Variants in PER2 observed in about 807,000 individuals in gnomAD.
The protein encoded by PER2 is period circadian protein homolog 2.
PER2 carries 66 observed loss-of-function variants against 121.0 expected under a neutral mutation model. The observed-to-expected ratio is 0.55, with a 90% confidence interval of 0.45 to 0.67. The LOEUF (loss-of-function observed/expected upper bound fraction) is 0.67. Ranked by LOEUF, PER2 falls within the 30% of genes least tolerant of loss-of-function variation. The pLI, the probability that PER2 is intolerant of heterozygous loss-of-function variation, is 0.00. For synonymous variants in PER2, 684 were observed against 659.9 expected (o/e 1.04, Z -0.56); for missense variants, 1,521 against 1,635.0 (o/e 0.93, Z 1.20).
intron 21 of PER2, among the ~76,000 whole-genome samples, chr2:238,250,048 C>G (rs1183830552): frequency 6.6e-6 from 1 of 152,240 alleles, no homozygotes; most frequent in Non-Finnish European, 1.5e-5. Flanking sequence ...AGCGGGTGCT[C>G]CGCAGGGGAA....
upstream of PER2, chr2:238,289,415 A>T (rs1460897136): frequency 6.6e-6 from 1 of 152,230 alleles, no homozygotes; most frequent in African/African-American, 2.4e-5. Flanking sequence ...TGTGGTCGAC[A>T]CTTGTCCCGG....
chr2:238,257,624 C>T lies in PER2; in HGVS notation c.1901-538G>A, dbSNP rs181633478. 4.9e-4 allele frequency among the ~76,000 whole-genome samples: 75 copies of T among 152,340 alleles called. No individual in the cohort carries two copies. The East Asian group carries it at 9.6e-3, about 20-fold the overall frequency. Reference sequence around the variant, plus strand: ...AAGTAGCTGGGATTACAGGCATGCACCATGATGCCTGGCTAATTTTTGTAT... The same window carrying T: ...AAGTAGCTGGGATTACAGGCATGCATCATGATGCCTGGCTAATTTTTGTAT... On this transcript the variant is annotated intron_variant, in intron 16 of 22. Coordinates refer to ENST00000254657, the MANE Select transcript of PER2 (RefSeq NM_022817.3).
chr2:238,257,169 T>C (rs987414070), intron 16 of PER2, 83 bp from the exon 17 acceptor site: 10 of 1,291,204 alleles, frequency 7.7e-6, no homozygotes, highest in Admixed American at 3.9e-5. Flanking sequence ...CAAGTGCCCA[T>C]ACAGCTTCCA....
intron 1 of PER2, among the ~76,000 whole-genome samples, chr2:238,279,069 G>C (rs890720571): frequency 1.3e-5 from 2 of 152,090 alleles, no homozygotes; most frequent in African/African-American, 4.8e-5. Context: ...AGTAGGGAGG[G>C]GTGGGACTGA....
chr2:238,251,678 G>A lies in PER2; in HGVS notation c.3195C>T (p.Leu1065=), dbSNP rs1266653776. Reference sequence around the variant, plus strand: ...AAGCAGCAGAGCCCGAGGCTGAGCAGAGGTCCTCATTCAGCAGGAGGTTTA... The same window carrying A: ...AAGCAGCAGAGCCCGAGGCTGAGCAAAGGTCCTCATTCAGCAGGAGGTTTA... ...GLLNLLLNED[L]CSASGSAASE... is the part of the protein sequence containing the mutation. Residue 1065 remains leucine (L), a synonymous_variant, in exon 20 of 23, where the codon CTC becomes CTT. Transcript: ENST00000254657. 6.2e-7 allele frequency: 1 copy of A among 1,614,012 alleles called. No individual in the cohort carries two copies. Among genetic ancestry groups the A allele is most frequent in the Non-Finnish European group, 8.5e-7 (1 of 1,179,828 alleles).
upstream of PER2, chr2:238,289,710 T>G (rs1020565558): frequency 1.3e-5 from 2 of 152,210 alleles, no homozygotes; most frequent in Non-Finnish European, 2.9e-5. Context: ...AGGGACGCCT[T>G]ACAACGGTGC....
intron 1 of PER2, 41 bp downstream of exon 1, chr2:238,288,308 C>CA (rs1257742028): frequency 6.6e-6 from 1 of 152,306 alleles, no homozygotes; most frequent in Admixed American, 6.5e-5. Context: ...AGCCCGCGCG[C>CA]AGTCACTCGG....
chr2:238,281,481 T>C (rs547825744), intron 1 of PER2, among the ~76,000 whole-genome samples: 1 of 152,312 alleles, frequency 6.6e-6, no homozygotes, highest in Non-Finnish European at 1.5e-5. Flanking sequence ...AAATCTGTTA[T>C]TCTAGTCTTT....
At chr2:238,260,186 A>T in intron 13 of PER2, 133 bp from the exon 14 acceptor site, 1 of 635,110 alleles carries the variant, frequency 1.6e-6, no homozygotes, top group Non-Finnish European at 2.9e-6. Flanking sequence ...GAAATCTGAC[A>T]GGTGTAGAGC....
chr2:238,262,929 T>C (rs1559328745), intron 10 of PER2, 23 bp downstream of exon 10: 6 of 1,486,608 alleles, frequency 4.0e-6, no homozygotes, highest in Non-Finnish European at 5.6e-6. Flanking sequence ...CACTTCAGGA[T>C]GTACCATGAA....
chr2:238,276,587 CAG>C (rs2106323855), intron 3 of PER2, among the ~76,000 whole-genome samples: 1 of 152,196 alleles, frequency 6.6e-6, no homozygotes, highest in East Asian at 1.9e-4. Flanking sequence ...GCCATGAACA[CAG>C]AGAAAAGGGG....
At chr2:238,257,637 C>T (rs1254451476) in intron 16 of PER2, among the ~76,000 whole-genome samples, 2 of 152,166 alleles carry the variant, frequency 1.3e-5, no homozygotes, top group African/African-American at 2.4e-5. Flanking sequence ...TGATGCCTGG[C>T]TAATTTTTGT....
intron 11 of PER2, 130 bp downstream of exon 11, chr2:238,262,061 G>T: frequency 2.1e-6 from 2 of 953,560 alleles, no homozygotes; most frequent in Non-Finnish European, 3.4e-6. Flanking sequence ...GCTCCAGATT[G>T]GTGGCAGGAA....
chr2:238,250,685 A>C lies in PER2; in HGVS notation c.3333T>G (p.Asn1111Lys), dbSNP rs756938899. The C allele has an allele frequency of 6.2e-6, 10 of 1,613,868 alleles. No individual in the cohort carries two copies. Among genetic ancestry groups the C allele is most frequent in the Non-Finnish European group, 8.5e-6 (10 of 1,179,692 alleles). Reference protein sequence around the residue: ...KYFGSIDSSENNHKAKMNTGM... With the variant: ...KYFGSIDSSEKNHKAKMNTGM... ...CAGTGTTCATTTTTGCTTTGTGATT[A>C]TTCTCTGAGGAGTCAATGCTTCCAA... is the stretch of plus-strand genomic sequence containing the variant. Residue 1111 changes from asparagine to lysine, a missense_variant, in exon 21 of 23, where the codon AAT (asparagine) becomes AAG (lysine). Transcript: ENST00000254657.
At chr2:238,283,384 G>C (rs1053130158) in intron 1 of PER2, among the ~76,000 whole-genome samples, 1 of 152,122 alleles carries the variant, frequency 6.6e-6, no homozygotes. Flanking sequence ...TGCTACCCTG[G>C]GACTGCAATT....
At chr2:238,263,135 C>T in intron 9 of PER2, 77 bp from the exon 10 acceptor site, 2 of 907,206 alleles carry the variant, frequency 2.2e-6, no homozygotes, top group Non-Finnish European at 3.6e-6. Flanking sequence ...CATCTTATTC[C>T]CTGGAAAGAG....
At chr2:238,249,944 ACC>A (rs1695553180) in intron 21 of PER2, among the ~76,000 whole-genome samples, 1 of 152,064 alleles carries the variant, frequency 6.6e-6, no homozygotes, top group Non-Finnish European at 1.5e-5. Flanking sequence ...TTTATAAATT[ACC>A]CAATCTCAGG....
At chr2:238,292,441 C>G (rs1458618956), upstream of PER2, among the ~76,000 whole-genome samples, 1 of 152,134 alleles carries the variant, frequency 6.6e-6, no homozygotes, top group Non-Finnish European at 1.5e-5. Context: ...CATCCATGTC[C>G]CAATGGCTCC....
chr2:238,263,711 T>C (rs1696010896), intron 9 of PER2, among the ~76,000 whole-genome samples: 1 of 152,210 alleles, frequency 6.6e-6, no homozygotes, highest in Non-Finnish European at 1.5e-5. Flanking sequence ...TTAACACTTG[T>C]TGCATCCAAA....
Sources: allele counts gnomAD v4.1 joint callset (sites outside exome capture counted in the v4.1 genomes callset), GRCh38; gene constraint gnomAD v4.1.1; transcripts MANE v1.5; gene names NCBI Gene and HGNC (gene_info 2026-07-23, HGNC 2026-07-21).